The following FA2H variants were observed in gnomAD, a reference collection of about 807,000 sequenced individuals.
FA2H encodes fatty acid 2-hydroxylase, also known as fatty acid alpha-hydroxylase.
FA2H carries 22 observed loss-of-function variants against 44.9 expected under a neutral mutation model. That is an observed-to-expected ratio of 0.49 (90% confidence interval 0.35 to 0.70). The LOEUF is 0.70. FA2H is among the 30% of genes least tolerant of loss of function. The pLI, the probability that FA2H is intolerant of heterozygous loss-of-function variation, is 0.01. For missense variants in FA2H, 501 were observed against 504.9 expected, an observed-to-expected ratio of 0.99 and a Z score of 0.07; for synonymous variants, 243 against 213.2, an observed-to-expected ratio of 1.14 and a Z score of -1.22.
At chr16:74,736,025 A>G (rs1962172717) in intron 2 of FA2H, among the ~76,000 whole-genome samples, 1 of 151,158 alleles carries the variant, frequency 6.6e-6, no homozygotes, top group Non-Finnish European at 1.5e-5. Flanking sequence ...TCTGCATCAT[A>G]CTGGAACACT....
chr16:74,719,640 C>T (rs535189799), intron 4 of FA2H, among the ~76,000 whole-genome samples: 7 of 152,238 alleles, frequency 4.6e-5, no homozygotes, highest in African/African-American at 7.2e-5. Context: ...TGGGCTCAAG[C>T]GATCCTTCCA....
rs775888031 is a variant in FA2H, at chr16:74,726,307, C to T, written c.531G>A (p.Val177=). The T allele has an allele frequency of 5.6e-5, 91 of 1,613,674 alleles. No individual in the cohort carries two copies. The highest frequency in any genetic ancestry group is 1.1e-4 in the African/African-American group (8 of 74,906). ...TVWYSVPIIW[V]PLVLYLSWSY... ...ACCAGCTGAGATACAGCACCAGGGG[C>T]ACCCAGATGATGGGGACACTGTACC... The change falls in exon 4 of 7, where the codon GTG becomes GTA. Residue 177 remains valine (V), a synonymous_variant. Coordinates refer to ENST00000219368, the MANE Select transcript of FA2H (RefSeq NM_024306.5).
chr16:74,744,250 G>A (rs553751619), intron 1 of FA2H, among the ~76,000 whole-genome samples: 2 of 152,008 alleles, frequency 1.3e-5, no homozygotes, highest in Non-Finnish European at 2.9e-5. Context: ...TCATTCCTGG[G>A]AACTAGGGTA....
intron 2 of FA2H, among the ~76,000 whole-genome samples, chr16:74,730,010 ACCT>A (rs1962042634): frequency 6.7e-6 from 1 of 149,940 alleles, no homozygotes; most frequent in South Asian, 2.1e-4. Context: ...GATTCCAGAA[ACCT>A]CCTTCCCCTG....
rs543581121 is a variant in FA2H at position 74,755,052 on chromosome 16, G to A, written c.271-14937C>T. On this transcript the variant is annotated intron_variant, in intron 1 of 6. Coordinates refer to ENST00000219368, the MANE Select transcript of FA2H (RefSeq NM_024306.5). Reference sequence around the variant, plus strand: ...ACAGCAGCCCCCCTAGAAGCCCGGAGAGGGGCTTGAAGTGGATTCTTCCTC... The same window carrying A: ...ACAGCAGCCCCCCTAGAAGCCCGGAAAGGGGCTTGAAGTGGATTCTTCCTC... 7.2e-4 allele frequency among the ~76,000 whole-genome samples: 109 copies of A among 152,192 alleles called. 1 individual carries two copies. The highest frequency in any genetic ancestry group is 1.4e-3 in the Non-Finnish European group (96 of 68,034).
At chr16:74,724,027 A>G (rs1312772846) in intron 4 of FA2H, among the ~76,000 whole-genome samples, 1 of 151,912 alleles carries the variant, frequency 6.6e-6, no homozygotes, top group East Asian at 1.9e-4. Context: ...TCAGCCTTCC[A>G]AGTAGCTGAG....
intron 4 of FA2H, 59 bp from the exon 5 acceptor site, chr16:74,719,219 G>C: frequency 3.3e-6 from 5 of 1,505,626 alleles, no homozygotes; most frequent in Non-Finnish European, 4.6e-6. Context: ...GGTAGCTCCA[G>C]GTGTCCCTGC....
intron 4 of FA2H, among the ~76,000 whole-genome samples, chr16:74,723,263 C>A (rs1456544185): frequency 1.3e-5 from 2 of 152,254 alleles, no homozygotes; most frequent in African/African-American, 4.8e-5. Flanking sequence ...GCTCCCCCTT[C>A]TGCCTGCCGC....
At chr16:74,735,540 G>A (rs1008218398) in intron 2 of FA2H, among the ~76,000 whole-genome samples, 2 of 152,204 alleles carry the variant, frequency 1.3e-5, no homozygotes, top group East Asian at 1.9e-4. Flanking sequence ...CAGCTTGAGC[G>A]CTGGCAGAAA....
chr16:74,747,978 G>GCCAGGAGT (rs1456631393), intron 1 of FA2H, among the ~76,000 whole-genome samples: 2 of 152,168 alleles, frequency 1.3e-5, no homozygotes, highest in African/African-American at 4.8e-5. Flanking sequence ...GAGCCGTGGA[G>GCCAGGAGT]CCAGGAGTCT....
intron 4 of FA2H, 129 bp from the exon 5 acceptor site, chr16:74,719,289 C>T: frequency 1.3e-6 from 1 of 769,024 alleles, no homozygotes; most frequent in Non-Finnish European, 2.2e-6. Context: ...CAGGGCCAGG[C>T]CATACTGCTG....
At chr16:74,730,558 C>T (rs189070421) in intron 2 of FA2H, among the ~76,000 whole-genome samples, 1 of 152,060 alleles carries the variant, frequency 6.6e-6, no homozygotes, top group Non-Finnish European at 1.5e-5. Context: ...CACACACACA[C>T]ACCCTGCACC....
At chr16:74,740,472 T>G (rs957473280) in intron 1 of FA2H, among the ~76,000 whole-genome samples, 2 of 151,170 alleles carry the variant, frequency 1.3e-5, no homozygotes, top group African/African-American at 4.9e-5. Context: ...CAAAAAAAGT[T>G]TACCAGGCGT....
At chr16:74,771,604 G>C (rs1173421187) in intron 1 of FA2H, among the ~76,000 whole-genome samples, 2 of 151,664 alleles carry the variant, frequency 1.3e-5, no homozygotes, top group East Asian at 3.9e-4. Context: ...CCAAATTCCT[G>C]GGATTACAGG....
intron 2 of FA2H, among the ~76,000 whole-genome samples, chr16:74,735,394 C>T (rs186091080): frequency 1.3e-5 from 2 of 152,214 alleles, no homozygotes; most frequent in African/African-American, 4.8e-5. Context: ...GCCTCCTCCC[C>T]CTGAGCCCTA....
At chr16:74,769,327 G>T (rs1209302959) in intron 1 of FA2H, among the ~76,000 whole-genome samples, 1 of 152,034 alleles carries the variant, frequency 6.6e-6, no homozygotes, top group East Asian at 1.9e-4. Context: ...AAACTCCTGG[G>T]CTCTAGCGAC....
At chr16:74,772,857 A>T (rs905032879) in intron 1 of FA2H, among the ~76,000 whole-genome samples, 1 of 151,246 alleles carries the variant, frequency 6.6e-6, no homozygotes, top group Non-Finnish European at 1.5e-5. Flanking sequence ...CATTCACCTC[A>T]CTCCAACCCA....
rs1491185782 is a variant in FA2H at position 74,741,808 on chromosome 16, A to ATATATGTGTG, written c.271-1694_271-1693insCACACATATA. Reference sequence around the variant, plus strand: ...TATATATATATATATATATATATATATGTGTGTGTGTGTGTGTGTGTGTGT... The same window carrying ATATATGTGTG: ...TATATATATATATATATATATATATATATATGTGTGTGTGTGTGTGTGTGTGTGTGTGTGT... On this transcript the variant is annotated intron_variant, in intron 1 of 6. Coordinates refer to ENST00000219368, the MANE Select transcript of FA2H (RefSeq NM_024306.5). 4.9e-3 allele frequency among the ~76,000 whole-genome samples: 234 copies of ATATATGTGTG among 48,244 alleles called. 1 individual carries two copies. Among genetic ancestry groups the ATATATGTGTG allele is most frequent in the East Asian group, 7.8e-3 (13 of 1,658 alleles). 31.6% of individuals were successfully genotyped at this position (48,244 alleles called of 152,430 possible).
At chr16:74,724,338 G>A (rs1175262584) in intron 4 of FA2H, among the ~76,000 whole-genome samples, 4 of 152,310 alleles carry the variant, frequency 2.6e-5, no homozygotes, top group Admixed American at 6.5e-5. Context: ...GATGCCACTC[G>A]CTCTAACGTG....
Sources: gnomAD v4.1 joint callset for allele counts (sites outside exome capture counted in the v4.1 genomes callset) on GRCh38, gnomAD v4.1.1 for gene constraint, MANE v1.5 for transcripts, NCBI Gene and HGNC (gene_info 2026-07-23, HGNC 2026-07-21) for gene names.